TENM1: variants seen among roughly 807,000 people sequenced by gnomAD.
The protein encoded by TENM1 is teneurin-1.
Under a neutral mutation model 174.8 loss-of-function variants are expected in TENM1, and 35 were observed. The ratio of observed to expected loss-of-function variants is 0.20; its 90% confidence interval spans 0.15 to 0.27. The LOEUF is 0.27. TENM1 is among the 10% of genes least tolerant of loss of function. The pLI, the probability that TENM1 is intolerant of heterozygous loss-of-function variation, is 1.00. For synonymous variants in TENM1, 781 were observed against 798.7 expected, an observed-to-expected ratio of 0.98 and a Z score of 0.37; for missense variants, 1,633 against 2,130.1, an observed-to-expected ratio of 0.77 and a Z score of 4.59.
At chrX:125,025,599 G>T in the TENM1 span, among the ~76,000 whole-genome samples, 2 of 111,242 alleles carry the variant, frequency 1.8e-5, no homozygotes, top group Non-Finnish European at 3.8e-5. Flanking sequence ...TGATAAAAGT[G>T]CTGGGAAGCA....
chrX:124,682,890 T>C (rs1169371202), intron 5 of TENM1, among the ~76,000 whole-genome samples: 1 of 111,348 alleles, frequency 9.0e-6, no homozygotes, highest in Non-Finnish European at 1.9e-5. Context: ...CTATTTTGAA[T>C]TGGATCCTGG....
At chrX:124,864,090 T>G (rs1348763757) in intron 3 of TENM1, among the ~76,000 whole-genome samples, 1 of 112,264 alleles carries the variant, frequency 8.9e-6, no homozygotes, top group Non-Finnish European at 1.9e-5. Flanking sequence ...CACACAAGTC[T>G]TTTTAAATGT....
At chrX:124,965,116 C>T (rs779203624), upstream of TENM1, among the ~76,000 whole-genome samples, 2 of 111,980 alleles carry the variant, frequency 1.8e-5, no homozygotes, top group South Asian at 3.7e-4. Flanking sequence ...CTTGCTCAGT[C>T]GCCCAGGCTG....
exon 11 of TENM1, chrX:124,641,919 C>A: frequency 8.3e-7 from 1 of 1,211,111 alleles, no homozygotes; most frequent in Non-Finnish European, 1.1e-6. Flanking sequence ...AACTCCTCCC[C>A]AGCCAGTAGA....
At chrX:124,453,583 G>A (rs2061068620) in intron 22 of TENM1, 92 bp from the exon 26 acceptor site, 2 of 854,530 alleles carry the variant, frequency 2.3e-6, no homozygotes, top group Non-Finnish European at 3.3e-6. Flanking sequence ...CAATGGAAAG[G>A]CATTTTAAAG....
chrX:124,496,919 C>A, intron 20 of TENM1, 97 bp downstream of exon 23: 2 of 954,188 alleles, frequency 2.1e-6, no homozygotes, highest in Non-Finnish European at 2.9e-6. Flanking sequence ...GGGGCAACTA[C>A]ATTTTCTGCT....
intron 20 of TENM1, among the ~76,000 whole-genome samples, chrX:124,496,015 A>C (rs2047193418): frequency 9.8e-6 from 1 of 101,997 alleles, no homozygotes; most frequent in Non-Finnish European, 2.0e-5. Flanking sequence ...CTGGTACCAA[A>C]ACAGAGATAT....
the TENM1 span, among the ~76,000 whole-genome samples, chrX:124,986,584 G>C: frequency 8.9e-6 from 1 of 112,076 alleles, no homozygotes; most frequent in Non-Finnish European, 1.9e-5. Context: ...TATGGAACAA[G>C]GGCTTTCCCG....
intron 20 of TENM1, among the ~76,000 whole-genome samples, chrX:124,489,298 C>T (rs898760530): frequency 8.9e-6 from 1 of 112,407 alleles, no homozygotes; most frequent in Admixed American, 9.4e-5. Context: ...TTTAAGTTGA[C>T]CTTTGATTTT....
chrX:124,558,616 C>T (rs565515352), intron 14 of TENM1, among the ~76,000 whole-genome samples: 2 of 110,735 alleles, frequency 1.8e-5, no homozygotes, highest in African/African-American at 6.5e-5. Context: ...GCTGAGACTA[C>T]CAAATGAAGG....
chrX:125,050,224 A>T, the TENM1 span, among the ~76,000 whole-genome samples: 275 of 109,454 alleles, frequency 2.5e-3, 1 homozygote, highest in East Asian at 0.065. Context: ...GGTTAGTTAC[A>T]TATGTATACA....
rs182346997 is a variant in TENM1, at chrX:124,611,818, G to A, written c.2077+29973C>T. On this transcript the variant is annotated intron_variant, in intron 11 of 31. Coordinates refer to ENST00000422452, the Ensembl canonical transcript of TENM1. ...AGGTGCACATAATGCTACCCATAAC[G>A]AATGCTAAGTCTCAAGTGCACAGCA... 1.4e-3 allele frequency among the ~76,000 whole-genome samples: 156 copies of A among 111,490 alleles called. 1 individual carries two copies. Among genetic ancestry groups the A allele is most frequent in the African/African-American group, 4.6e-3 (142 of 30,760 alleles).
At chrX:124,606,721 T>C (rs192489866) in intron 11 of TENM1, among the ~76,000 whole-genome samples, 1 of 111,815 alleles carries the variant, frequency 8.9e-6, no homozygotes, top group Admixed American at 9.5e-5. Context: ...GGTTCTAGAA[T>C]CAGACACATT....
At chrX:124,533,390 T>C (rs903826203) in intron 15 of TENM1, among the ~76,000 whole-genome samples, 5 of 111,648 alleles carry the variant, frequency 4.5e-5, no homozygotes, top group Non-Finnish European at 7.5e-5. Flanking sequence ...TTTCCAAAGT[T>C]AGATCCTAGC....
At chrX:124,987,582 G>C in the TENM1 span, among the ~76,000 whole-genome samples, 4 of 111,279 alleles carry the variant, frequency 3.6e-5, no homozygotes, top group African/African-American at 1.3e-4. Flanking sequence ...AAACAAATCT[G>C]TGTGTTAAAA....
At chrX:125,101,898 T>C in the TENM1 span, among the ~76,000 whole-genome samples, 29 of 100,367 alleles carry the variant, frequency 2.9e-4, 1 homozygote, top group African/African-American at 1.1e-3. Flanking sequence ...CAAATAGTTA[T>C]TAAATACCCA....
chrX:124,463,359 A>G (rs911281049), intron 22 of TENM1, among the ~76,000 whole-genome samples: 2 of 112,022 alleles, frequency 1.8e-5, no homozygotes, highest in African/African-American at 6.5e-5. Flanking sequence ...GAAGAAGATA[A>G]AGTATTATGG....
At position 124,435,016 on chromosome X, in the gene TENM1, C is replaced by T. The variant is rs148449441; in HGVS notation, c.4105-12378G>A. On this transcript the variant is annotated intron_variant, in intron 23 of 31. Coordinates refer to ENST00000422452, the Ensembl canonical transcript of TENM1. ...TGTATATCTAGCACTGTGGGGGATA[C>T]ACATACAGAAGGAGAGGCAATCAGA... Among the ~76,000 whole-genome samples the T allele has an allele frequency of 5.6e-3, 619 of 111,269 alleles. 5 individuals carry two copies. The highest frequency in any genetic ancestry group is 0.019 in the African/African-American group (589 of 30,631).
chrX:124,976,134 CTTAG>C, the TENM1 span, among the ~76,000 whole-genome samples: 2 of 111,015 alleles, frequency 1.8e-5, no homozygotes, highest in African/African-American at 6.5e-5. Flanking sequence ...TAATACTATA[CTTAG>C]TTAATATTAA....
Sources: allele counts gnomAD v4.1 joint callset (sites outside exome capture counted in the v4.1 genomes callset), GRCh38; gene constraint gnomAD v4.1.1; transcripts MANE v1.5; gene names NCBI Gene and HGNC (gene_info 2026-07-23, HGNC 2026-07-21).